The following PFKFB3 variants were observed in gnomAD, a reference collection of about 807,000 sequenced individuals.
PFKFB3 encodes the protein 6-phosphofructo-2-kinase/fructose-2,6-bisphosphatase 3.
A neutral mutation model predicts 68.0 loss-of-function variants in PFKFB3; 33 were observed. The observed-to-expected ratio is 0.49, with a 90% confidence interval of 0.37 to 0.65. PFKFB3 has a LOEUF of 0.65. Among genes scored for constraint, PFKFB3 ranks in the 30% least tolerant of loss-of-function variants. The pLI is 0.00. For synonymous variants in PFKFB3, 315 were observed against 288.2 expected, an observed-to-expected ratio of 1.09 and a Z score of -0.94; for missense variants, 586 against 712.2, an observed-to-expected ratio of 0.82 and a Z score of 2.02.
chr10:6,169,170 G>T (rs1376005752), intron 1 of PFKFB3, among the ~76,000 whole-genome samples: 1 of 152,088 alleles, frequency 6.6e-6, no homozygotes, highest in African/African-American at 2.4e-5. Context: ...TCGAACTCTT[G>T]ACCTCAAGTG....
chr10:6,156,272 G>C (rs931335059), intron 1 of PFKFB3, among the ~76,000 whole-genome samples: 4 of 150,978 alleles, frequency 2.6e-5, no homozygotes, highest in African/African-American at 9.8e-5. Flanking sequence ...TCTTGCTTCA[G>C]CATCCTGAGT....
chr10:6,312,594 C>A, the PFKFB3 span, among the ~76,000 whole-genome samples: 3 of 152,184 alleles, frequency 2.0e-5, no homozygotes, highest in South Asian at 6.2e-4. Flanking sequence ...ACTAAACACA[C>A]CTTCCAGAAA....
chr10:6,246,798 G>A (rs1222274799), intron 14 of PFKFB3, among the ~76,000 whole-genome samples: 2 of 152,108 alleles, frequency 1.3e-5, no homozygotes, highest in Non-Finnish European at 2.9e-5. Flanking sequence ...TGATTCCCGT[G>A]CCTTCTCCTC....
chr10:6,293,861 T>C, the PFKFB3 span: 2 of 410,664 alleles, frequency 4.9e-6, no homozygotes, highest in Non-Finnish European at 9.9e-6. Flanking sequence ...ACCAATAAGG[T>C]TGGAGAGTTA....
chr10:6,183,514 T>C (rs1027554872), intron 1 of PFKFB3, among the ~76,000 whole-genome samples: 1 of 150,908 alleles, frequency 6.6e-6, no homozygotes, highest in Non-Finnish European at 1.5e-5. Flanking sequence ...TCTGGCCTGG[T>C]GTGGTGGCTC....
chr10:6,295,186 G>C, the PFKFB3 span, among the ~76,000 whole-genome samples: 36 of 152,026 alleles, frequency 2.4e-4, no homozygotes, highest in Non-Finnish European at 4.4e-4. Context: ...TTTTCCTAGA[G>C]ACTCCTTGAA....
chr10:6,285,302 C>A, the PFKFB3 span, among the ~76,000 whole-genome samples: 1 of 148,832 alleles, frequency 6.7e-6, no homozygotes, highest in Non-Finnish European at 1.5e-5. Context: ...GGTGTGATAT[C>A]GGCTCACTGC....
chr10:6,166,821 CTTTTTT>C (rs144747290), intron 1 of PFKFB3, among the ~76,000 whole-genome samples: 34 of 95,278 alleles, frequency 3.6e-4, no homozygotes, highest in Middle Eastern at 0.01. Context: ...CCTTCTTCTT[CTTTTTT>C]TTTTTTTTTT....
chr10:6,178,201 C>T (rs1409200170), intron 1 of PFKFB3, among the ~76,000 whole-genome samples: 2 of 152,166 alleles, frequency 1.3e-5, no homozygotes, highest in South Asian at 2.1e-4. Flanking sequence ...AGCGTCTCTG[C>T]CCCAGTTTTG....
chr10:6,325,659 G>A, the PFKFB3 span, among the ~76,000 whole-genome samples: 1,349 of 152,276 alleles, frequency 8.9e-3, 18 homozygotes, highest in African/African-American at 0.031. Context: ...AAAGATGTTG[G>A]CAGAGTTACA....
At chr10:6,214,874 C>T (rs572122250) in intron 2 of PFKFB3, among the ~76,000 whole-genome samples, 3 of 152,342 alleles carry the variant, frequency 2.0e-5, no homozygotes, top group African/African-American at 7.2e-5. Context: ...TGTGTTGTCC[C>T]TATTTTTGCT....
intron 1 of PFKFB3, among the ~76,000 whole-genome samples, chr10:6,173,128 C>G (rs658386): frequency 6.6e-6 from 1 of 152,104 alleles, no homozygotes; most frequent in Non-Finnish European, 1.5e-5. Flanking sequence ...ACTTCGGGAA[C>G]TCTCCTTCAC....
chr10:6,315,913 A>T, the PFKFB3 span, among the ~76,000 whole-genome samples: 1 of 152,208 alleles, frequency 6.6e-6, no homozygotes, highest in East Asian at 1.9e-4. Flanking sequence ...TGATGACAGT[A>T]TATTTGATAT....
chr10:6,290,767 G>A, the PFKFB3 span, among the ~76,000 whole-genome samples: 1 of 152,110 alleles, frequency 6.6e-6, no homozygotes. Context: ...GCCTCCCAGA[G>A]TGTTGGGATT....
rs550004717 is a variant in PFKFB3, at chr10:6,194,065, T to C, written c.17-19558T>C. 9.8e-5 allele frequency among the ~76,000 whole-genome samples: 15 copies of C among 152,286 alleles called. No homozygotes were observed. In the South Asian group the frequency reaches 2.3e-3, roughly 23 times the overall value. ...ATTTCATTGAGAACAATGGGAACCA[T>C]TGGTGTCTGCCATTTGGGAAGTGGA... On this transcript the variant is annotated intron_variant, in intron 1 of 14. Transcript: ENST00000379789.
intron 1 of PFKFB3, among the ~76,000 whole-genome samples, chr10:6,208,294 C>T (rs191763623): frequency 1.3e-5 from 2 of 149,550 alleles, no homozygotes; most frequent in Admixed American, 6.7e-5. Context: ...AAGCTGGTCT[C>T]GAATTCCTGG....
At chr10:6,289,688 G>T in the PFKFB3 span, among the ~76,000 whole-genome samples, 1 of 152,164 alleles carries the variant, frequency 6.6e-6, no homozygotes, top group Non-Finnish European at 1.5e-5. Flanking sequence ...GGCGATGCGG[G>T]CTCTTTTTGG....
At chr10:6,315,915 A>G in the PFKFB3 span, among the ~76,000 whole-genome samples, 2 of 152,192 alleles carry the variant, frequency 1.3e-5, no homozygotes, top group African/African-American at 4.8e-5. Context: ...ATGACAGTAT[A>G]TTTGATATAT....
At position 6,221,474 on chromosome 10, in the gene PFKFB3, G is replaced by A. The variant is rs774085700; in HGVS notation, c.925G>A (p.Glu309Lys). Residue 309 changes from glutamate to lysine, a missense_variant, in exon 9 of 15, where the codon GAG becomes AAG. Coordinates refer to ENST00000379775, the MANE Select transcript of PFKFB3 (RefSeq NM_004566.4). ...GCTGAAGAGCACCATCCAGACGGCC[G>A]AGGCGCTGCGGCTGCCCTACGAGCA... ...SQLKSTIQTAEALRLPYEQWK... is the reference protein window; with the variant it reads ...SQLKSTIQTAKALRLPYEQWK... 6 of 1,613,558 alleles carry A rather than the reference G, an allele frequency of 3.7e-6. No individual in the cohort carries two copies. The highest frequency in any genetic ancestry group is 1.3e-5 in the African/African-American group (1 of 74,930).
Sources: allele counts gnomAD v4.1 joint callset (sites outside exome capture counted in the v4.1 genomes callset), GRCh38; gene constraint gnomAD v4.1.1; transcripts MANE v1.5; gene names NCBI Gene and HGNC (gene_info 2026-07-23, HGNC 2026-07-21).